KCNN3: variants seen among roughly 807,000 people sequenced by gnomAD.
KCNN3 encodes small conductance calcium-activated potassium channel protein 3.
A neutral mutation model predicts 62.9 loss-of-function variants in KCNN3; 16 were observed. That is an observed-to-expected ratio of 0.25 (90% CI 0.17 to 0.39). KCNN3 has a LOEUF of 0.39. Ranked by LOEUF, KCNN3 falls within the 10% of genes least tolerant of loss-of-function variation. The probability of loss-of-function intolerance (pLI) is 1.00; values close to 1 mark genes in which losing one functional copy is unlikely to be tolerated. For synonymous variants in KCNN3, 370 were observed against 389.2 expected, an observed-to-expected ratio of 0.95 and a Z score of 0.58; for missense variants, 599 against 949.4, an observed-to-expected ratio of 0.63 and a Z score of 4.85.
chr1:154,716,278 A>G (rs1279259521), intron 5 of KCNN3, among the ~76,000 whole-genome samples: 1 of 152,286 alleles, frequency 6.6e-6, no homozygotes, highest in Non-Finnish European at 1.5e-5. Flanking sequence ...TATTAAGCAC[A>G]TGCTAAGCAG....
intron 3 of KCNN3, among the ~76,000 whole-genome samples, chr1:154,749,613 G>A (rs1647264771): frequency 1.3e-5 from 2 of 152,206 alleles, no homozygotes; most frequent in South Asian, 2.1e-4. Flanking sequence ...AGCCTGGGAC[G>A]TCAGGGCGAG....
chr1:154,795,408 C>T (rs1370398090), intron 2 of KCNN3, among the ~76,000 whole-genome samples: 1 of 152,178 alleles, frequency 6.6e-6, no homozygotes, highest in Non-Finnish European at 1.5e-5. Context: ...AGTGTCGAGT[C>T]CCCCACCTAC....
intron 1 of KCNN3, among the ~76,000 whole-genome samples, chr1:154,845,925 C>T (rs1411685746): frequency 6.6e-6 from 1 of 152,216 alleles, no homozygotes; most frequent in Non-Finnish European, 1.5e-5. Context: ...CTGCCTTCCC[C>T]AACGCCCTAC....
Position 154,714,861 on chromosome 1 carries a change from C to T in KCNN3, c.1829+15G>A, listed in dbSNP as rs1369236069. ...GTCTGGTCATCTGATGGCTGAACCG[C>T]TCTGGCATACTCACTGGTGGATAGC... On this transcript the variant is annotated intron_variant, in intron 6 of 7. Coordinates refer to ENST00000271915, the MANE Select transcript of KCNN3 (RefSeq NM_002249.6). 6.2e-7 allele frequency: 1 copy of T among 1,613,174 alleles called. No homozygotes were observed. Among genetic ancestry groups the T allele is most frequent in the South Asian group, 1.1e-5 (1 of 91,068 alleles).
chr1:154,815,071 C>A (rs1331739323), intron 2 of KCNN3, among the ~76,000 whole-genome samples: 2 of 152,184 alleles, frequency 1.3e-5, no homozygotes, highest in African/African-American at 4.8e-5. Flanking sequence ...GCCCGAGCTC[C>A]CTCCTTCCAT....
At chr1:154,803,576 C>T (rs1650044708) in intron 2 of KCNN3, among the ~76,000 whole-genome samples, 1 of 152,222 alleles carries the variant, frequency 6.6e-6, no homozygotes, top group Non-Finnish European at 1.5e-5. Context: ...CCCAGGCAGA[C>T]ATGAGTTTGC....
intron 2 of KCNN3, among the ~76,000 whole-genome samples, chr1:154,813,069 T>A (rs528130207): frequency 2.6e-5 from 4 of 152,322 alleles, no homozygotes; most frequent in Admixed American, 2.0e-4. Flanking sequence ...ACAACTGAGA[T>A]TGAGCTAGAA....
chr1:154,850,309 C>A (rs143207779), intron 1 of KCNN3, among the ~76,000 whole-genome samples: 2 of 152,232 alleles, frequency 1.3e-5, no homozygotes, highest in Admixed American at 6.5e-5. Flanking sequence ...CTGCAACCAA[C>A]AAGGGTCAGG....
At chr1:154,712,969 C>A (rs567179540) in intron 7 of KCNN3, among the ~76,000 whole-genome samples, 1 of 152,158 alleles carries the variant, frequency 6.6e-6, no homozygotes, top group Non-Finnish European at 1.5e-5. Flanking sequence ...TGCACCCCCC[C>A]ACACACACCA....
At chr1:154,770,012 T>C (rs1648475792) in intron 3 of KCNN3, among the ~76,000 whole-genome samples, 2 of 152,344 alleles carry the variant, frequency 1.3e-5, no homozygotes, top group Admixed American at 1.3e-4. Context: ...ACCAGCACAA[T>C]GTTGCTCAGC....
chr1:154,865,892 A>G (rs912209104), intron 1 of KCNN3, among the ~76,000 whole-genome samples: 1 of 152,156 alleles, frequency 6.6e-6, no homozygotes, highest in African/African-American at 2.4e-5. Context: ...CTGCCACTGG[A>G]TGGGCAGAAT....
chr1:154,790,379 T>C (rs760447298), intron 2 of KCNN3, among the ~76,000 whole-genome samples: 25 of 152,338 alleles, frequency 1.6e-4, no homozygotes, highest in Non-Finnish European at 3.4e-4. Context: ...AAAATGCATT[T>C]AATACACCTA....
At chr1:154,860,372 G>A (rs973540686) in intron 1 of KCNN3, among the ~76,000 whole-genome samples, 1 of 152,064 alleles carries the variant, frequency 6.6e-6, no homozygotes, top group African/African-American at 2.4e-5. Context: ...CTTCCTCCAG[G>A]CCTCTCAGCC....
rs779454613 is a variant in KCNN3 at position 154,706,655 on chromosome 1, T to C, written c.*1321A>G. 27 of 152,230 alleles carry C rather than the reference T, an allele frequency of 1.8e-4. No individual in the cohort carries two copies. Among genetic ancestry groups the C allele is most frequent in the Non-Finnish European group, 3.5e-4 (24 of 68,042 alleles). The allele number at this position is 152,230 out of a possible 1,614,324, so 9.4% of individuals were successfully genotyped here. A position where few individuals can be genotyped will look rare whatever the true frequency, so the allele number is the denominator to read the frequency against. On this transcript the variant is annotated 3_prime_UTR_variant, in exon 8 of 8. Coordinates refer to ENST00000271915, the MANE Select transcript of KCNN3 (RefSeq NM_002249.6). ...TGTCCACTTACCTTACCCACAAGGTTCCCTAAGGGTTCCCTTCATTCTCAC... is the reference window on the plus strand; with the variant it reads ...TGTCCACTTACCTTACCCACAAGGTCCCCTAAGGGTTCCCTTCATTCTCAC...
At chr1:154,726,787 C>T (rs12066485) in intron 4 of KCNN3, among the ~76,000 whole-genome samples, 6,101 of 152,184 alleles carry the variant, frequency 0.04, 403 homozygotes, top group African/African-American at 0.14. Flanking sequence ...TAAGTGAGCC[C>T]GCAGCAGACC....
intron 1 of KCNN3, among the ~76,000 whole-genome samples, chr1:154,833,392 C>T (rs772480261): frequency 6.6e-6 from 1 of 152,198 alleles, no homozygotes. Flanking sequence ...AGAACAGCCT[C>T]GTCCGTGTTT....
intron 7 of KCNN3, among the ~76,000 whole-genome samples, chr1:154,712,010 CGGAGAGGAAGAGAGAGACAGGGAAAG>C (rs1408676254): frequency 9.3e-5 from 11 of 118,636 alleles, no homozygotes; most frequent in Non-Finnish European, 1.6e-4. Flanking sequence ...GACAGGGAGA[CGGAGAGGAAGAGAGAGACAGGGAAAG>C]GGAGAGGAAG....
At chr1:154,851,110 C>G (rs1652282249) in intron 1 of KCNN3, among the ~76,000 whole-genome samples, 1 of 152,226 alleles carries the variant, frequency 6.6e-6, no homozygotes, top group Non-Finnish European at 1.5e-5. Context: ...TCCCGAGTAG[C>G]TGGGACTACA....
At chr1:154,838,616 G>A (rs778510474) in intron 1 of KCNN3, among the ~76,000 whole-genome samples, 29 of 152,184 alleles carry the variant, frequency 1.9e-4, no homozygotes, top group African/African-American at 3.6e-4. Flanking sequence ...AGCCTTTCCC[G>A]TTCCCAGTCA....
Sources: allele counts gnomAD v4.1 joint callset (sites outside exome capture counted in the v4.1 genomes callset), GRCh38; gene constraint gnomAD v4.1.1; transcripts MANE v1.5; gene names NCBI Gene and HGNC (gene_info 2026-07-23, HGNC 2026-07-21).